CHD5: variants seen among roughly 807,000 people sequenced by gnomAD.
The protein encoded by CHD5 is ATP-dependent chromatin remodeler CHD5.
Under a neutral mutation model 230.3 loss-of-function variants are expected in CHD5, and 69 were observed. The ratio of observed to expected loss-of-function variants is 0.30; its 90% confidence interval spans 0.25 to 0.37. The LOEUF is 0.37. Among genes scored for constraint, CHD5 ranks in the 10% least tolerant of loss-of-function variants. CHD5 has a pLI of 1.00. For synonymous variants in CHD5, 1,064 were observed against 1,065.9 expected, an observed-to-expected ratio of 1.00 and a Z score of 0.03; for missense variants, 1,827 against 2,622.8, an observed-to-expected ratio of 0.70 and a Z score of 6.63.
intron 20 of CHD5, 131 bp downstream of exon 20, chr1:6,133,997 C>T (rs1283208767): frequency 1.2e-6 from 1 of 846,842 alleles, no homozygotes; most frequent in Non-Finnish European, 1.8e-6. Context: ...CCCTGACACA[C>T]AGTCACATGA....
chr1:6,121,690 G>T lies in CHD5; in HGVS notation c.4700-117C>A. On this transcript the variant is annotated intron_variant, in intron 31 of 41. Coordinates refer to ENST00000262450, the MANE Select transcript of CHD5 (RefSeq NM_015557.3). This position sits in a 1 kb window ranked among gnomAD's most constrained non-coding sequence, Gnocchi z 4.5. Reference sequence around the variant, plus strand: ...TTGGCCTTCGGGAGGCTCCACTGCAGCCAAGCACCTCCAGGAGAGACAAGC... The same window carrying T: ...TTGGCCTTCGGGAGGCTCCACTGCATCCAAGCACCTCCAGGAGAGACAAGC... 1 of 668,298 alleles carries T rather than the reference G, an allele frequency of 1.5e-6. No individual in the cohort carries two copies. Among genetic ancestry groups the T allele is most frequent in the Non-Finnish European group, 2.6e-6 (1 of 379,824 alleles). 41.4% of individuals were successfully genotyped at this position (668,298 alleles called of 1,614,324 possible).
chr1:6,121,165 G>A lies in CHD5; in HGVS notation c.4852C>T (p.Arg1618Ter), dbSNP rs1223406120. 1.2e-6 allele frequency: 2 copies of A among 1,613,896 alleles called. No homozygotes were observed. Among genetic ancestry groups the A allele is most frequent in the Non-Finnish European group, 1.7e-6 (2 of 1,179,934 alleles). Residue 1618 changes from arginine to a stop codon, truncating the protein, a stop_gained, in exon 33 of 42, where the codon CGA (arginine) becomes TGA (stop). Transcript: ENST00000262450. LOFTEE classifies it high-confidence loss of function. This position sits in a 1 kb window ranked among gnomAD's most constrained non-coding sequence, Gnocchi z 4.5. Reference sequence around the variant, plus strand: ...TCCGTCTCCTCTGGCCGCTCCTCTCGGGCTCTCTCCTTGCTGGCTGGGCTC... The same window carrying A: ...TCCGTCTCCTCTGGCCGCTCCTCTCAGGCTCTCTCCTTGCTGGCTGGGCTC... The part of the protein sequence containing the change: ...HESPASKERA[R>*]EERPEETEKA...
At chr1:6,166,417 G>A (rs1667255804) in intron 2 of CHD5, among the ~76,000 whole-genome samples, 1 of 151,938 alleles carries the variant, frequency 6.6e-6, no homozygotes, top group African/African-American at 2.4e-5. Flanking sequence ...GGCAGGGGCT[G>A]GGAGAGAAGG....
At position 6,146,903 on chromosome 1, in the gene CHD5, CT is replaced by C; in HGVS notation, c.1384-33del. On this transcript the variant is annotated intron_variant, in intron 9 of 41. Transcript: ENST00000262450. This position sits in a 1 kb window ranked among gnomAD's most constrained non-coding sequence, Gnocchi z 5.1. ...ACAGAGAAGGGTCCCCAAGGTGGGG[CT>C]CAGCTGCAGGGCCCCACCCTGAGGC... 2.1e-6 allele frequency: 3 copies of C among 1,452,280 alleles called. No individual in the cohort carries two copies. Among genetic ancestry groups the C allele is most frequent in the Non-Finnish European group, 2.7e-6 (3 of 1,096,592 alleles). The allele number at this position is 1,452,280 out of a possible 1,614,324, so 90.0% of individuals were successfully genotyped here. A position where few individuals can be genotyped will look rare whatever the true frequency, so the allele number is the denominator to read the frequency against.
At position 6,142,430 on chromosome 1, in the gene CHD5, T is replaced by A; in HGVS notation, c.2219A>T (p.Tyr740Phe). The A allele has an allele frequency of 6.2e-7, 1 of 1,609,596 alleles. No individual in the cohort carries two copies. Among genetic ancestry groups the A allele is most frequent in the Non-Finnish European group, 8.5e-7 (1 of 1,176,612 alleles). Residue 740 changes from tyrosine to phenylalanine, a missense_variant, in exon 14 of 42, where the codon TAC becomes TTC. By Grantham distance (22) the Tyr-to-Phe change is conservative. Coordinates refer to ENST00000262450, the MANE Select transcript of CHD5 (RefSeq NM_015557.3). The surrounding 1 kb of genome is among the most constrained non-coding windows in gnomAD (Gnocchi z 5.2). ...CCTGCCCACCTCCTTGTAGAGGGAG[T>A]AAAGGAACACGATGGTCTGCACCGT... ...GKTVQTIVFLYSLYKEGHSKG... is the reference protein window; with the variant it reads ...GKTVQTIVFLFSLYKEGHSKG...
At position 6,136,674 on chromosome 1, in the gene CHD5, T is replaced by C. The variant is rs775684867; in HGVS notation, c.2575-36A>G. ...GAGAGTGGGGCCTGTCAGGGGGCTC[T>C]GGGCGGCCCCTCGCCCCGGGAAGCT... On this transcript the variant is annotated intron_variant, in intron 16 of 41. Coordinates refer to ENST00000262450, the MANE Select transcript of CHD5 (RefSeq NM_015557.3). The C allele has an allele frequency of 6.8e-6, 11 of 1,612,164 alleles. No homozygotes were observed. The Admixed American group carries it at 1.8e-4, about 27-fold the overall frequency.
At chr1:6,156,063 T>A (rs72632552) in intron 3 of CHD5, among the ~76,000 whole-genome samples, 11,230 of 152,200 alleles carry the variant, frequency 0.074, 444 homozygotes, top group South Asian at 0.12. Flanking sequence ...CAGGCCCCCA[T>A]CCTGAGATAG....
intron 2 of CHD5, among the ~76,000 whole-genome samples, chr1:6,165,837 G>A (rs986080499): frequency 6.6e-5 from 10 of 151,988 alleles, no homozygotes; most frequent in Non-Finnish European, 8.8e-5. Flanking sequence ...CGCACTCCCC[G>A]CTTCCCCTGT....
chr1:6,119,975 C>T (rs541583305), intron 33 of CHD5, among the ~76,000 whole-genome samples: 41 of 152,060 alleles, frequency 2.7e-4, no homozygotes, highest in Middle Eastern at 3.4e-3. Flanking sequence ...ATTCTCCTGC[C>T]TCAGTCTCCT....
At position 6,134,278 on chromosome 1, in the gene CHD5, G is replaced by A; in HGVS notation, c.3013-19C>T. ...GGGCCTCCTGCAGACACAGCAGGAG[G>A]TGGGGCATTGGTGGGCTCCCCTCTC... On this transcript the variant is annotated intron_variant, in intron 19 of 41. Transcript: ENST00000262450. The surrounding 1 kb of genome is among the most constrained non-coding windows in gnomAD (Gnocchi z 6.3). 3 of 1,610,646 alleles carry A rather than the reference G, an allele frequency of 1.9e-6. No individual in the cohort carries two copies. The highest frequency in any genetic ancestry group is 2.5e-6 in the Non-Finnish European group (3 of 1,179,806).
chr1:6,174,484 AGATGGATGGATAGATG>A (rs1222986230), intron 1 of CHD5, among the ~76,000 whole-genome samples: 3 of 146,690 alleles, frequency 2.0e-5, no homozygotes, highest in Non-Finnish European at 1.5e-5. Flanking sequence ...GATGGTGGGT[AGATGGATGGATAGATG>A]GATGGATGGT....
In CHD5 at chr1:6,130,384, C is replaced by G. The variant is rs1450846870; in HGVS notation, c.3263-56G>C. On this transcript the variant is annotated intron_variant, in intron 21 of 41. Coordinates refer to ENST00000262450, the MANE Select transcript of CHD5 (RefSeq NM_015557.3). The surrounding 1 kb of genome is among the most constrained non-coding windows in gnomAD (Gnocchi z 4.9). ...TTTGGGGGGGTACACCTTGGGTGGG[C>G]AGAAAGGATGGGGGAGAGAACAGAG... 1 of 1,544,952 alleles carries G rather than the reference C, an allele frequency of 6.5e-7. No individual in the cohort carries two copies. The highest frequency in any genetic ancestry group is 8.9e-7 in the Non-Finnish European group (1 of 1,128,578).
intron 1 of CHD5, among the ~76,000 whole-genome samples, chr1:6,177,417 G>A (rs567607105): frequency 4.6e-5 from 7 of 152,178 alleles, no homozygotes; most frequent in Non-Finnish European, 8.8e-5. Flanking sequence ...TCTCAGGAAC[G>A]CATGGTTTCA....
At chr1:6,114,645 G>C (rs1170126562) in intron 33 of CHD5, among the ~76,000 whole-genome samples, 7 of 151,842 alleles carry the variant, frequency 4.6e-5, no homozygotes, top group Non-Finnish European at 1.0e-4. Flanking sequence ...GGACCACACA[G>C]GTTGAAAAAG....
intron 33 of CHD5, among the ~76,000 whole-genome samples, chr1:6,118,515 C>G (rs1294346844): frequency 6.6e-6 from 1 of 151,728 alleles, no homozygotes; most frequent in African/African-American, 2.4e-5. Context: ...ATGAAATGTT[C>G]AGAATAGGCC....
intron 6 of CHD5, 85 bp from the exon 7 acceptor site, chr1:6,151,240 A>T: frequency 6.9e-7 from 1 of 1,442,488 alleles, no homozygotes; most frequent in Non-Finnish European, 9.2e-7. Flanking sequence ...GGGACAAAGC[A>T]CGGAAGAGGC....
intron 15 of CHD5, among the ~76,000 whole-genome samples, chr1:6,141,745 C>G (rs1049988297): frequency 6.6e-6 from 1 of 152,310 alleles, no homozygotes; most frequent in Non-Finnish European, 1.5e-5. Context: ...CATGTGCTAA[C>G]AGAGGCAGAA....
In CHD5 at chr1:6,167,607, C is replaced by T. The variant is rs898256116; in HGVS notation, c.207+543G>A. Among the ~76,000 whole-genome samples, 7 of 152,286 alleles carry T rather than the reference C, an allele frequency of 4.6e-5. No homozygotes were observed. Among genetic ancestry groups the T allele is most frequent in the Admixed American group, 6.5e-5 (1 of 15,304 alleles). On this transcript the variant is annotated intron_variant, in intron 2 of 41. Coordinates refer to ENST00000262450, the MANE Select transcript of CHD5 (RefSeq NM_015557.3). This position sits in a 1 kb window ranked among gnomAD's most constrained non-coding sequence, Gnocchi z 4.5. ...AAGCACACTCGGAATGTGTCAGCAG[C>T]GTGGGAAGACAAGGGACGTGTTCAC...
chr1:6,117,903 T>C (rs373450677), intron 33 of CHD5, among the ~76,000 whole-genome samples: 16 of 152,144 alleles, frequency 1.1e-4, no homozygotes, highest in Middle Eastern at 3.4e-3. Context: ...GTACAGAGAA[T>C]TACCATATGA....
Sources: gnomAD v4.1 joint callset for allele counts (sites outside exome capture counted in the v4.1 genomes callset) on GRCh38, gnomAD v4.1.1 for gene constraint, Gnocchi (gnomAD v3.1) non-coding constraint, MANE v1.5 for transcripts, NCBI Gene and HGNC (gene_info 2026-07-23, HGNC 2026-07-21) for gene names.